The following MMEL1 variants were observed in gnomAD, a reference collection of about 807,000 sequenced individuals.
The protein encoded by MMEL1 is membrane metalloendopeptidase like 1, also known as membrane metallo-endopeptidase-like 1.
Under a neutral mutation model 117.1 loss-of-function variants are expected in MMEL1, and 98 were observed. That is an observed-to-expected ratio of 0.84 (90% CI 0.71 to 0.99). The LOEUF is 0.99. Ranked by LOEUF, MMEL1 falls within the 50% of genes least tolerant of loss-of-function variation. The probability of loss-of-function intolerance (pLI) is 0.00; values close to 1 mark genes in which losing one functional copy is unlikely to be tolerated. For missense variants in MMEL1, 1,014 were observed against 1,049.1 expected (o/e 0.97, Z 0.46); for synonymous variants, 390 against 415.1 (o/e 0.94, Z 0.74).
rs1221010279 is a variant in MMEL1, at chr1:2,595,232, T to A, written c.1584+44A>T. 2 of 1,553,846 alleles carry A rather than the reference T, an allele frequency of 1.3e-6. No individual in the cohort carries two copies. Among genetic ancestry groups the A allele is most frequent in the Admixed American group, 3.4e-5 (2 of 59,298 alleles). ...AGCCCCCAGGCAATCAGGGCCCATG[T>A]CCACGGTGTGGGGGGCAGTTTAGGG... On this transcript the variant is annotated intron_variant, in intron 16 of 23. Transcript: ENST00000378412. The surrounding 1 kb of genome is among the most constrained non-coding windows in gnomAD (Gnocchi z 4.8).
Position 2,595,022 on chromosome 1 carries a change from G to T in MMEL1, c.1585-129C>A. 1.3e-6 allele frequency: 1 copy of T among 779,914 alleles called. No homozygotes were observed. The highest frequency in any genetic ancestry group is 2.1e-6 in the Non-Finnish European group (1 of 471,464). The allele number at this position is 779,914 out of a possible 1,614,324, so 48.3% of individuals were successfully genotyped here. ...CGTCCGCACGTGGACAGTCGGCTGT[G>T]GGTGCAGGTGAACGGGGCAGCCCTG... On this transcript the variant is annotated intron_variant, in intron 16 of 23. Transcript: ENST00000378412. This position sits in a 1 kb window ranked among gnomAD's most constrained non-coding sequence, Gnocchi z 4.8.
At chr1:2,609,228 C>A (rs1162342428) in intron 6 of MMEL1, 111 bp downstream of exon 6, 6 of 1,050,976 alleles carry the variant, frequency 5.7e-6, no homozygotes, top group Middle Eastern at 2.8e-4. Flanking sequence ...CCTAAAGGCA[C>A]CCACTCCTAC....
intron 2 of MMEL1, among the ~76,000 whole-genome samples, chr1:2,628,243 C>CGGTCT (rs1638362376): frequency 1.3e-5 from 2 of 152,188 alleles, no homozygotes; most frequent in South Asian, 4.1e-4. Context: ...CCAGGGGCTG[C>CGGTCT]GGTCTGGGCA....
chr1:2,594,523 G>A (rs1233429548), intron 17 of MMEL1, 80 bp from the exon 18 acceptor site: 2 of 1,463,500 alleles, frequency 1.4e-6, no homozygotes, highest in Non-Finnish European at 1.9e-6. Context: ...GATGGACCAG[G>A]GCCTACCCTG....
intron 2 of MMEL1, among the ~76,000 whole-genome samples, chr1:2,627,221 A>T (rs773634923): frequency 9.2e-5 from 14 of 152,392 alleles, no homozygotes; most frequent in Admixed American, 3.9e-4. Context: ...TAATTTTATA[A>T]TTCATACCTA....
chr1:2,607,276 C>T (rs1240174909), intron 6 of MMEL1, among the ~76,000 whole-genome samples: 1 of 152,194 alleles, frequency 6.6e-6, no homozygotes, highest in Non-Finnish European at 1.5e-5. Context: ...GCGCAGGAGG[C>T]GGAGGCTGAG....
chr1:2,594,534 G>T, intron 17 of MMEL1, 91 bp from the exon 18 acceptor site: 1 of 1,446,982 alleles, frequency 6.9e-7, no homozygotes, highest in Non-Finnish European at 9.5e-7. Context: ...GCCTACCCTG[G>T]CCACACCAGA....
In MMEL1 at chr1:2,590,995, A is replaced by T. The variant is rs1367337415; in HGVS notation, c.2335T>A (p.Trp779Arg). The T allele has an allele frequency of 1.9e-6, 3 of 1,587,684 alleles. No individual in the cohort carries two copies. In the South Asian group the frequency reaches 3.5e-5, roughly 18 times the overall value. ...PMHPKERCRV[W>R] ...ACAGCGCGGCAGGGCCTTGGCTACC[A>T]CACGCGGCATCGCTCCTTGGGGTGC... is the stretch of plus-strand genomic sequence containing the variant. The change falls in exon 24 of 24, where the codon TGG (tryptophan) becomes AGG (arginine). Residue 779 changes from tryptophan (W) to arginine (R), a missense_variant. Coordinates refer to ENST00000378412, the MANE Select transcript of MMEL1 (RefSeq NM_033467.4).
intron 18 of MMEL1, 171 bp from the exon 19 acceptor site, chr1:2,594,104 G>A (rs1263996667): frequency 1.6e-5 from 15 of 964,002 alleles, no homozygotes; most frequent in South Asian, 5.2e-5. Context: ...GAGGCTGGGC[G>A]GGCTCGTGCC....
rs1401266752 is a variant in MMEL1, at chr1:2,598,707, A to G, written c.1125T>C (p.Tyr375=). 1 of 1,614,154 alleles carries G rather than the reference A, an allele frequency of 6.2e-7. No homozygotes were observed. Among genetic ancestry groups the G allele is most frequent in the Non-Finnish European group, 8.5e-7 (1 of 1,180,010 alleles). Residue 375 remains tyrosine, a synonymous_variant, in exon 12 of 24, where the codon TAT becomes TAC. Transcript: ENST00000378412. ...KLLPDEEVVV[Y]GIPYLQNLEN... is the part of the protein sequence containing the mutation. Reference sequence around the variant, plus strand: ...CAAGGTTCTGCAGGTAGGGGATGCCATAGACCACCACTTCCTCATCTGGCA... The same window carrying G: ...CAAGGTTCTGCAGGTAGGGGATGCCGTAGACCACCACTTCCTCATCTGGCA...
rs115594597 is a variant in MMEL1, at chr1:2,615,369, T to C, written c.155-3165A>G. Among the ~76,000 whole-genome samples the C allele has an allele frequency of 9.0e-3, 1,366 of 152,302 alleles. 15 individuals are homozygous for C. Among genetic ancestry groups the C allele is most frequent in the South Asian group, 0.023 (110 of 4,824 alleles). ...TCCTCTTCAACACATGTTACCCCAG[T>C]CTAATCATGAGAAAACCATTAGGCT... On this transcript the variant is annotated intron_variant, in intron 2 of 23. Coordinates refer to ENST00000378412, the MANE Select transcript of MMEL1 (RefSeq NM_033467.4).
chr1:2,605,739 C>T (rs1570675799), intron 8 of MMEL1, 116 bp from the exon 9 acceptor site: 1 of 732,326 alleles, frequency 1.4e-6, no homozygotes, highest in South Asian at 1.8e-5. Context: ...GTGCTCTGCC[C>T]AGGAGCTGGT....
intron 2 of MMEL1, among the ~76,000 whole-genome samples, chr1:2,617,822 T>C (rs998533445): frequency 6.6e-6 from 1 of 152,184 alleles, no homozygotes; most frequent in Non-Finnish European, 1.5e-5. Context: ...CTTACCCTAA[T>C]GCTAAAATAT....
intron 21 of MMEL1, 123 bp downstream of exon 21, chr1:2,592,527 TGCCGC>T (rs1644748942): frequency 2.3e-5 from 1 of 43,582 alleles, no homozygotes; most frequent in Admixed American, 5.0e-4. Context: ...CCCCCTCCCC[TGCCGC>T]GCTGATGCCC....
chr1:2,611,592 C>T (rs1645129994), intron 3 of MMEL1, among the ~76,000 whole-genome samples: 1 of 152,188 alleles, frequency 6.6e-6, no homozygotes, highest in African/African-American at 2.4e-5. Flanking sequence ...GGTGGTCCAG[C>T]CTGGCAGCCC....
chr1:2,618,542 T>G (rs1330993367), intron 2 of MMEL1, among the ~76,000 whole-genome samples: 2 of 152,206 alleles, frequency 1.3e-5, no homozygotes, highest in Non-Finnish European at 2.9e-5. Context: ...CACAAAGAAC[T>G]TCACAGAGTG....
At chr1:2,625,884 C>T (rs1415213039) in intron 2 of MMEL1, among the ~76,000 whole-genome samples, 4 of 152,186 alleles carry the variant, frequency 2.6e-5, no homozygotes, top group Non-Finnish European at 5.9e-5. Flanking sequence ...GCCTTCTCTC[C>T]TCCAGCCTGC....
intron 14 of MMEL1, 106 bp downstream of exon 14, chr1:2,596,455 G>A (rs1288335961): frequency 6.1e-6 from 9 of 1,465,548 alleles, no homozygotes; most frequent in Non-Finnish European, 8.3e-6. Flanking sequence ...TGGTGAGCTG[G>A]GGCAGGTGCC....
chr1:2,608,115 C>T (rs1008581157), intron 6 of MMEL1, among the ~76,000 whole-genome samples: 3 of 152,132 alleles, frequency 2.0e-5, no homozygotes, highest in East Asian at 1.9e-4. Flanking sequence ...AATGGGGGCC[C>T]AGCCTTCTGT....
Sources: gnomAD v4.1 joint callset for allele counts (sites outside exome capture counted in the v4.1 genomes callset) on GRCh38, gnomAD v4.1.1 for gene constraint, Gnocchi (gnomAD v3.1) non-coding constraint, MANE v1.5 for transcripts, NCBI Gene and HGNC (gene_info 2026-07-23, HGNC 2026-07-21) for gene names.